Variants in FBN2 observed in about 807,000 individuals in gnomAD.
The protein encoded by FBN2 is fibrillin-2.
Under a neutral mutation model 355.6 loss-of-function variants are expected in FBN2, and 105 were observed. The ratio of observed to expected loss-of-function variants is 0.30; its 90% CI spans 0.25 to 0.35. The LOEUF (loss-of-function observed/expected upper bound fraction) is 0.35, where lower values mean the gene tolerates loss of function less well. FBN2 is among the 10% of genes least tolerant of loss of function. FBN2 has a pLI of 1.00. For missense variants in FBN2, 3,280 were observed against 3,758.7 expected, an observed-to-expected ratio of 0.87 and a Z score of 3.33; for synonymous variants, 1,350 against 1,301.2, an observed-to-expected ratio of 1.04 and a Z score of -0.81.
intron 9 of FBN2, among the ~76,000 whole-genome samples, chr5:128,393,776 T>C (rs1752581092): frequency 6.6e-6 from 1 of 152,228 alleles, no homozygotes; most frequent in Admixed American, 6.5e-5. Flanking sequence ...CTATACATTT[T>C]TCCTGTCCAT....
At chr5:128,423,127 G>T (rs1206202926) in intron 7 of FBN2, among the ~76,000 whole-genome samples, 1 of 149,004 alleles carries the variant, frequency 6.7e-6, no homozygotes, top group Non-Finnish European at 1.5e-5. Flanking sequence ...AGAGAAAGGG[G>T]CCAGGAAAGA....
At chr5:128,460,519 T>C (rs532364082) in intron 6 of FBN2, among the ~76,000 whole-genome samples, 1 of 152,256 alleles carries the variant, frequency 6.6e-6, no homozygotes, top group East Asian at 1.9e-4. Flanking sequence ...TTAAATTTCA[T>C]ATGGAATCAA....
chr5:128,392,131 A>G lies in FBN2; in HGVS notation c.1490T>C (p.Ile497Thr). 5 of 1,613,642 alleles carry G rather than the reference A, an allele frequency of 3.1e-6. No individual in the cohort carries two copies. Among genetic ancestry groups the G allele is most frequent in the Admixed American group, 3.3e-5 (2 of 60,004 alleles). Residue 497 changes from isoleucine to threonine, a missense_variant, in exon 11 of 65, where the codon ATC (isoleucine) becomes ACC (threonine). Around this residue, in one of 6 missense-constraint regions of FBN2, gnomAD observed 343 missense variants for 331.0 expected, o/e 1.04. Coordinates refer to ENST00000262464, the MANE Select transcript of FBN2 (RefSeq NM_001999.4). ...GLTILNQTIDICKHHANLCLN... is the reference protein window; with the variant it reads ...GLTILNQTIDTCKHHANLCLN... ...ACAAAGGTTAGCATGATGCTTACAG[A>G]TATCTATTGTCTGGTTCAGAATTGC...
intron 38 of FBN2, among the ~76,000 whole-genome samples, chr5:128,311,661 C>A (rs1255592214): frequency 6.6e-6 from 1 of 152,128 alleles, no homozygotes; most frequent in African/African-American, 2.4e-5. Context: ...AGGTAGAGGA[C>A]AATGGGAAAG....
chr5:128,532,159 C>G (rs180896650), intron 2 of FBN2, among the ~76,000 whole-genome samples: 4 of 152,268 alleles, frequency 2.6e-5, no homozygotes, highest in African/African-American at 7.2e-5. Context: ...TCTGACCTAC[C>G]CTGTGATCAA....
At chr5:128,283,291 C>T (rs979166108) in intron 55 of FBN2, among the ~76,000 whole-genome samples, 2 of 152,240 alleles carry the variant, frequency 1.3e-5, no homozygotes, top group African/African-American at 2.4e-5. Context: ...TATTGATTCA[C>T]TTTCAGAACA....
chr5:128,444,363 C>A (rs940339920), intron 7 of FBN2, among the ~76,000 whole-genome samples: 1 of 152,128 alleles, frequency 6.6e-6, no homozygotes, highest in African/African-American at 2.4e-5. Context: ...TGAGCCACCG[C>A]GCCCGGCCCA....
At chr5:128,378,628 A>G in intron 12 of FBN2, 143 bp downstream of exon 12, 1 of 877,738 alleles carries the variant, frequency 1.1e-6, no homozygotes, top group Admixed American at 2.1e-5. Context: ...TTTAAAGGAG[A>G]ATCTCTGAGG....
Position 128,349,334 on chromosome 5 carries a change from G to A in FBN2, c.2989+13C>T, listed in dbSNP as rs572579795. 1.2e-6 allele frequency: 2 copies of A among 1,613,908 alleles called. No homozygotes were observed. The highest frequency in any genetic ancestry group is 2.2e-5 in the East Asian group (1 of 44,870). ...TGTTTTATACATAGAATACATGAGG[G>A]TGTGAATCTTACCCAAACATACACG... On this transcript the variant is annotated intron_variant, in intron 23 of 64. Transcript: ENST00000262464.
At chr5:128,508,082 C>G (rs1328391676) in intron 5 of FBN2, among the ~76,000 whole-genome samples, 1 of 152,066 alleles carries the variant, frequency 6.6e-6, no homozygotes, top group Non-Finnish European at 1.5e-5. Flanking sequence ...ATTAACTTAG[C>G]TACTCCAGCT....
intron 5 of FBN2, among the ~76,000 whole-genome samples, chr5:128,492,192 T>C (rs1011522396): frequency 6.6e-6 from 1 of 152,212 alleles, no homozygotes; most frequent in Non-Finnish European, 1.5e-5. Context: ...TTCAATCTAT[T>C]TTCTTCTCTC....
chr5:128,414,756 A>T (rs987832296), intron 7 of FBN2, among the ~76,000 whole-genome samples: 2 of 152,186 alleles, frequency 1.3e-5, no homozygotes, highest in African/African-American at 4.8e-5. Flanking sequence ...CTAGCAATAT[A>T]TGAGGGAGTC....
At chr5:128,338,872 G>A (rs1019111018) in intron 26 of FBN2, 61 bp downstream of exon 26, 9 of 1,572,920 alleles carry the variant, frequency 5.7e-6, no homozygotes, top group Non-Finnish European at 7.0e-6. Flanking sequence ...AAGGTCATGC[G>A]CACGAATGAG....
intron 11 of FBN2, among the ~76,000 whole-genome samples, chr5:128,384,058 A>T (rs2126966613): frequency 6.6e-6 from 1 of 152,264 alleles, no homozygotes; most frequent in Non-Finnish European, 1.5e-5. Flanking sequence ...TTGGGAATAT[A>T]TAAATAAACT....
At chr5:128,399,376 TA>T (rs1428365658) in intron 8 of FBN2, among the ~76,000 whole-genome samples, 1 of 152,224 alleles carries the variant, frequency 6.6e-6, no homozygotes, top group Non-Finnish European at 1.5e-5. Flanking sequence ...TATACTCTGA[TA>T]AAATAACTGT....
At chr5:128,347,852 C>T (rs745416756) in intron 23 of FBN2, among the ~76,000 whole-genome samples, 20 of 151,950 alleles carry the variant, frequency 1.3e-4, no homozygotes, top group Non-Finnish European at 2.8e-4. Context: ...GACCTCGGCT[C>T]ACTGCAATCT....
intron 2 of FBN2, 37 bp from the exon 3 acceptor site, chr5:128,530,730 A>ATGGTT: frequency 7.8e-7 from 1 of 1,285,336 alleles, no homozygotes; most frequent in Non-Finnish European, 1.1e-6. Flanking sequence ...ATGAATAACT[A>ATGGTT]TATAATAAAC....
chr5:128,299,184 G>T (rs1043662335), intron 48 of FBN2, among the ~76,000 whole-genome samples: 1 of 151,852 alleles, frequency 6.6e-6, no homozygotes, highest in Admixed American at 6.6e-5. Flanking sequence ...GAGGCAGTCT[G>T]CCCGTTCTCA....
intron 5 of FBN2, among the ~76,000 whole-genome samples, chr5:128,477,761 A>G (rs1755044534): frequency 6.6e-6 from 1 of 152,144 alleles, no homozygotes; most frequent in Non-Finnish European, 1.5e-5. Flanking sequence ...CATGCTCTTA[A>G]CCATCTCACT....
Sources: gnomAD v4.1 joint callset for allele counts (sites outside exome capture counted in the v4.1 genomes callset) on GRCh38, gnomAD v4.1.1 for gene constraint, gnomAD v4.1.1 regional missense constraint, MANE v1.5 for transcripts, NCBI Gene and HGNC (gene_info 2026-07-23, HGNC 2026-07-21) for gene names.